STXBP5L: variants seen among roughly 807,000 people sequenced by gnomAD.
STXBP5L encodes syntaxin binding protein 5L.
STXBP5L carries 65 observed loss-of-function variants against 144.5 expected under a neutral mutation model. The observed-to-expected ratio is 0.45, with a 90% CI of 0.37 to 0.55. The LOEUF (loss-of-function observed/expected upper bound fraction) is 0.55, where lower values mean the gene tolerates loss of function less well. Among genes scored for constraint, STXBP5L ranks in the 20% least tolerant of loss-of-function variants. The pLI is 0.00. For synonymous variants in STXBP5L, 505 were observed against 469.6 expected (o/e 1.08, Z -0.97); for missense variants, 1,298 against 1,405.5 (o/e 0.92, Z 1.22).
intron 12 of STXBP5L, among the ~76,000 whole-genome samples, chr3:121,236,278 A>G (rs1214836840): frequency 6.6e-6 from 1 of 152,182 alleles, no homozygotes; most frequent in East Asian, 1.9e-4. Flanking sequence ...CTGCAAAAAA[A>G]TTTAAAAGTT....
At chr3:121,237,152 A>G (rs1204540622) in intron 12 of STXBP5L, among the ~76,000 whole-genome samples, 1 of 152,204 alleles carries the variant, frequency 6.6e-6, no homozygotes, top group East Asian at 1.9e-4. Flanking sequence ...GGCTCTGCCT[A>G]TGTGGCAGGT....
At chr3:120,908,899 CAG>C (rs1314503959) in intron 1 of STXBP5L, among the ~76,000 whole-genome samples, 1 of 151,608 alleles carries the variant, frequency 6.6e-6, no homozygotes, top group African/African-American at 2.4e-5. Flanking sequence ...CAAGTGGAAA[CAG>C]ACGGTGTCGC....
chr3:121,140,002 A>G (rs1054876545), intron 7 of STXBP5L, among the ~76,000 whole-genome samples: 1 of 152,136 alleles, frequency 6.6e-6, no homozygotes, highest in Non-Finnish European at 1.5e-5. Context: ...AGACATGTAT[A>G]TGCACATGTG....
At chr3:120,954,659 C>T (rs1559905673) in intron 2 of STXBP5L, among the ~76,000 whole-genome samples, 2 of 151,770 alleles carry the variant, frequency 1.3e-5, no homozygotes, top group African/African-American at 2.4e-5. Flanking sequence ...TTTTAATTTT[C>T]CTGAATATAT....
At chr3:120,979,491 T>C (rs1415693380) in intron 3 of STXBP5L, among the ~76,000 whole-genome samples, 3 of 152,084 alleles carry the variant, frequency 2.0e-5, no homozygotes, top group African/African-American at 4.8e-5. Flanking sequence ...CCTGACCCCT[T>C]GTGCTTCCCG....
chr3:121,010,632 C>G (rs771753893), intron 3 of STXBP5L, among the ~76,000 whole-genome samples: 1 of 151,770 alleles, frequency 6.6e-6, no homozygotes, highest in Non-Finnish European at 1.5e-5. Context: ...TCTACAAAAA[C>G]TTTACTAATA....
intron 10 of STXBP5L, among the ~76,000 whole-genome samples, chr3:121,206,238 T>C (rs1298368408): frequency 1.3e-5 from 2 of 152,208 alleles, no homozygotes; most frequent in Non-Finnish European, 2.9e-5. Context: ...ACAAGTATTA[T>C]ACACATTAAT....
At chr3:121,206,769 C>G (rs2048351469) in intron 10 of STXBP5L, among the ~76,000 whole-genome samples, 1 of 152,058 alleles carries the variant, frequency 6.6e-6, no homozygotes, top group South Asian at 2.1e-4. Flanking sequence ...AGCCAAGATG[C>G]TGCCACTGCC....
intron 3 of STXBP5L, among the ~76,000 whole-genome samples, chr3:120,964,059 TA>T (rs1347737159): frequency 2.0e-5 from 3 of 152,216 alleles, no homozygotes; most frequent in African/African-American, 7.2e-5. Flanking sequence ...TTTATTTGCA[TA>T]GAGTTGTTTA....
intron 9 of STXBP5L, among the ~76,000 whole-genome samples, chr3:121,203,135 C>A (rs2048203769): frequency 6.6e-6 from 1 of 151,724 alleles, no homozygotes; most frequent in South Asian, 2.1e-4. Context: ...CTTACACCCT[C>A]AAAATTGCTC....
At chr3:121,149,406 G>A (rs1484537771) in intron 7 of STXBP5L, among the ~76,000 whole-genome samples, 1 of 151,876 alleles carries the variant, frequency 6.6e-6, no homozygotes, top group Non-Finnish European at 1.5e-5. Flanking sequence ...TAGAGGCATA[G>A]CCACCAAAGT....
intron 3 of STXBP5L, among the ~76,000 whole-genome samples, chr3:120,956,392 A>C (rs1017250974): frequency 2.6e-5 from 4 of 151,360 alleles, no homozygotes; most frequent in African/African-American, 7.3e-5. Flanking sequence ...AATTTTTACT[A>C]CTCTAGGTAA....
chr3:120,964,268 T>A (rs570625409), intron 3 of STXBP5L, among the ~76,000 whole-genome samples: 10 of 152,206 alleles, frequency 6.6e-5, no homozygotes, highest in Non-Finnish European at 1.2e-4. Context: ...TGTGTCTCTA[T>A]CTCCTTCAGT....
Position 121,367,776 on chromosome 3 carries a change from T to C in STXBP5L, c.2177-10940T>C, listed in dbSNP as rs112460838. Among the ~76,000 whole-genome samples the C allele has an allele frequency of 3.7e-3, 338 of 91,050 alleles. 2 individuals are homozygous for C. The highest frequency in any genetic ancestry group is 0.013 in the African/African-American group (318 of 23,780). The allele number at this position is 91,050 out of a possible 152,430, so 59.7% of individuals were successfully genotyped here. A position where few individuals can be genotyped will look rare whatever the true frequency, so the allele number is the denominator to read the frequency against. ...GGCATTTGCCACCACACTTGGCTAA[T>C]TTTTTTGCTTTTCCTTTTTTTTTTT... On this transcript the variant is annotated intron_variant, in intron 20 of 26. Coordinates refer to ENST00000471454, the MANE Select transcript of STXBP5L (RefSeq NM_001308330.2).
chr3:121,303,030 TG>T, intron 19 of STXBP5L, among the ~76,000 whole-genome samples: 1 of 152,212 alleles, frequency 6.6e-6, no homozygotes, highest in African/African-American at 2.4e-5. Flanking sequence ...AATTGATAAA[TG>T]GGATCTAATT....
At chr3:121,362,625 C>T (rs545814276) in intron 20 of STXBP5L, among the ~76,000 whole-genome samples, 103 of 152,254 alleles carry the variant, frequency 6.8e-4, no homozygotes, top group African/African-American at 1.9e-3. Context: ...TCAGCCTTCA[C>T]GGCAGTGAGT....
chr3:121,395,907 G>A (rs891886946), intron 22 of STXBP5L, among the ~76,000 whole-genome samples: 3 of 152,178 alleles, frequency 2.0e-5, no homozygotes, highest in Non-Finnish European at 2.9e-5. Context: ...GGCTGCAACC[G>A]AGGGGTCCTC....
chr3:121,382,090 C>T (rs796824971), intron 22 of STXBP5L, among the ~76,000 whole-genome samples: 7 of 151,924 alleles, frequency 4.6e-5, no homozygotes, highest in African/African-American at 1.7e-4. Context: ...TATTCTCTTC[C>T]TCCTTGAATT....
chr3:121,003,912 T>TCTGTTTTGGTAACAGTACCACG (rs1465163274), intron 3 of STXBP5L, among the ~76,000 whole-genome samples: 1 of 151,120 alleles, frequency 6.6e-6, no homozygotes, highest in Non-Finnish European at 1.5e-5. Flanking sequence ...ATTGGTCTAC[T>TCTGTTTTGGTAACAGTACCACG]CTGTTTTGGT....
Sources: allele counts gnomAD v4.1 joint callset (sites outside exome capture counted in the v4.1 genomes callset), GRCh38; gene constraint gnomAD v4.1.1; transcripts MANE v1.5; gene names NCBI Gene and HGNC (gene_info 2026-07-23, HGNC 2026-07-21).